Variants in MBNL1 observed in about 807,000 individuals in gnomAD.
The protein encoded by MBNL1 is muscleblind-like protein 1.
In MBNL1, 8 loss-of-function variants were observed where a neutral mutation model predicts 42.2. The observed-to-expected ratio is 0.19, with a 90% CI of 0.11 to 0.34. The LOEUF (loss-of-function observed/expected upper bound fraction) is 0.34. Among genes scored for constraint, MBNL1 ranks in the 10% least tolerant of loss-of-function variants. MBNL1 has a pLI of 1.00. For synonymous variants in MBNL1, 169 were observed against 173.9 expected, an observed-to-expected ratio of 0.97 and a Z score of 0.22; for missense variants, 309 against 495.3, an observed-to-expected ratio of 0.62 and a Z score of 3.57.
chr3:152,458,245 G>T, intron 8 of MBNL1: 1 of 1,529,582 alleles, frequency 6.5e-7, no homozygotes. Context: ...ATTTGCCAAT[G>T]CTGTAAAATT....
Position 152,336,216 on chromosome 3 carries a change from C to T in MBNL1, c.174+35849C>T, listed in dbSNP as rs145118762. Among the ~76,000 whole-genome samples, 764 of 137,872 alleles carry T rather than the reference C, an allele frequency of 5.5e-3. 4 individuals carry two copies. The highest frequency in any genetic ancestry group is 0.011 in the Admixed American group (146 of 13,798). 90.4% of individuals were successfully genotyped at this position (137,872 alleles called of 152,430 possible). On this transcript the variant is annotated intron_variant, in intron 2 of 9. Transcript: ENST00000324210. ...TCATAAGTGAATAAACCTACAATTTCTGATTGACAATGTTTATTTACTTCT... is the reference window on the plus strand; with the variant it reads ...TCATAAGTGAATAAACCTACAATTTTTGATTGACAATGTTTATTTACTTCT...
intron 8 of MBNL1, chr3:152,457,577 G>A (rs1736266974): frequency 1.3e-5 from 2 of 152,664 alleles, no homozygotes; most frequent in African/African-American, 4.8e-5. Flanking sequence ...ACATTTCTTG[G>A]CAAAGAATCA....
At chr3:152,379,337 A>C in intron 2 of MBNL1, among the ~76,000 whole-genome samples, 1 of 152,226 alleles carries the variant, frequency 6.6e-6, no homozygotes, top group Non-Finnish European at 1.5e-5. Context: ...TTTGGTGATT[A>C]CAGCATTTTC....
chr3:152,306,262 C>T (rs1442420843), intron 2 of MBNL1, among the ~76,000 whole-genome samples: 1 of 152,214 alleles, frequency 6.6e-6, no homozygotes, highest in Non-Finnish European at 1.5e-5. Context: ...GACACCTCCC[C>T]TACCCTCCCC....
At position 152,408,257 on chromosome 3, in the gene MBNL1, A is replaced by G. The variant is rs188832218; in HGVS notation, c.175-6684A>G. On this transcript the variant is annotated intron_variant, in intron 2 of 9. Transcript: ENST00000324210. The stretch of plus-strand genomic sequence containing the variant: ...CTTATTAACAGGATATATACTATGT[A>G]TATTTACTCTGTGGTATAGTATACT... Among the ~76,000 whole-genome samples the G allele has an allele frequency of 1.9e-3, 283 of 152,312 alleles. 2 individuals carry two copies. The highest frequency in any genetic ancestry group is 6.1e-3 in the African/African-American group (252 of 41,562).
intron 2 of MBNL1, among the ~76,000 whole-genome samples, chr3:152,323,382 T>A (rs535944211): frequency 1.3e-5 from 2 of 152,220 alleles, no homozygotes; most frequent in East Asian, 3.9e-4. Flanking sequence ...TATGAATAAT[T>A]TGAACTCCCT....
chr3:152,342,594 C>T (rs893739748), intron 2 of MBNL1, among the ~76,000 whole-genome samples: 4 of 112,312 alleles, frequency 3.6e-5, no homozygotes, highest in Non-Finnish European at 5.5e-5. Flanking sequence ...ACACTTTCCA[C>T]AAACAACAGG....
At chr3:152,275,181 A>C (rs554995355) in intron 1 of MBNL1, among the ~76,000 whole-genome samples, 1 of 152,172 alleles carries the variant, frequency 6.6e-6, no homozygotes, top group South Asian at 2.1e-4. Context: ...GAAAGAAAGC[A>C]GGAGGGTGGT....
chr3:152,293,205 G>A (rs2056946701), intron 1 of MBNL1, among the ~76,000 whole-genome samples: 1 of 152,152 alleles, frequency 6.6e-6, no homozygotes, highest in African/African-American at 2.4e-5. Flanking sequence ...ATTGCCATGG[G>A]TACTGCTGGT....
At chr3:152,298,104 C>T (rs977966631) in intron 1 of MBNL1, among the ~76,000 whole-genome samples, 53 of 151,968 alleles carry the variant, frequency 3.5e-4, no homozygotes, top group African/African-American at 1.2e-3. Flanking sequence ...TTTTAATGTA[C>T]GTATGTATTT....
rs1355232442 is a variant in MBNL1, at chr3:152,463,478, T to G, written c.*1112T>G. 1.3e-5 allele frequency: 2 copies of G among 152,490 alleles called. No homozygotes were observed. The highest frequency in any genetic ancestry group is 1.3e-4 in the Admixed American group (2 of 15,270). The allele number at this position is 152,490 out of a possible 1,614,324, so 9.4% of individuals were successfully genotyped here. ...GTTTCACGTTTGCTTAAATGCTTCA[T>G]CACAGTCACATTCAAAATAGTGACT... On this transcript the variant is annotated 3_prime_UTR_variant, in exon 10 of 10. Coordinates refer to ENST00000324210, the MANE Select transcript of MBNL1 (RefSeq NM_021038.5).
intron 2 of MBNL1, among the ~76,000 whole-genome samples, chr3:152,258,791 A>G (rs990742873): frequency 2.6e-5 from 4 of 152,226 alleles, no homozygotes; most frequent in East Asian, 1.9e-4. Flanking sequence ...GTTATGCCAC[A>G]TATCGTCTAA....
At chr3:152,308,071 A>G (rs2064196050) in intron 2 of MBNL1, among the ~76,000 whole-genome samples, 1 of 152,204 alleles carries the variant, frequency 6.6e-6, no homozygotes. Flanking sequence ...CCATATTCAA[A>G]AGGTTTAATT....
chr3:152,337,371 G>A (rs2090989517), intron 2 of MBNL1, among the ~76,000 whole-genome samples: 1 of 152,166 alleles, frequency 6.6e-6, no homozygotes, highest in Non-Finnish European at 1.5e-5. Context: ...TGTAATGCCA[G>A]TACTTTGAGA....
At chr3:152,320,157 TC>T (rs2075540123) in intron 2 of MBNL1, among the ~76,000 whole-genome samples, 1 of 152,192 alleles carries the variant, frequency 6.6e-6, no homozygotes, top group South Asian at 2.1e-4. Flanking sequence ...CGATGTTTCT[TC>T]CAGACTATGA....
intron 1 of MBNL1, among the ~76,000 whole-genome samples, chr3:152,286,348 A>G (rs1036252552): frequency 1.4e-5 from 2 of 142,816 alleles, no homozygotes; most frequent in African/African-American, 5.1e-5. Flanking sequence ...TATTTATAAT[A>G]TAAATATTTA....
intron 1 of MBNL1, among the ~76,000 whole-genome samples, chr3:152,284,330 ATAATTTT>A (rs1173316557): frequency 6.6e-6 from 1 of 152,134 alleles, no homozygotes; most frequent in Non-Finnish European, 1.5e-5. Context: ...AACCAAGATT[ATAATTTT>A]TTTTAATTGT....
chr3:152,462,442 G>A lies in MBNL1; in HGVS notation c.*76G>A, dbSNP rs1190578681. ...GTTAGAGTAAAGGACGAGGTCATTAGCCATATTGTATATATCGTCAAGCAA... is the reference window on the plus strand; with the variant it reads ...GTTAGAGTAAAGGACGAGGTCATTAACCATATTGTATATATCGTCAAGCAA... On this transcript the variant is annotated 3_prime_UTR_variant, in exon 10 of 10. Transcript: ENST00000324210. The A allele has an allele frequency of 6.6e-6, 1 of 152,124 alleles. No individual in the cohort carries two copies. The highest frequency in any genetic ancestry group is 1.5e-5 in the Non-Finnish European group (1 of 68,006). 9.4% of individuals were successfully genotyped at this position (152,124 alleles called of 1,614,324 possible). A position where few individuals can be genotyped will look rare whatever the true frequency, so the allele number is the denominator to read the frequency against.
chr3:152,344,101 T>C (rs1269501722), intron 2 of MBNL1, among the ~76,000 whole-genome samples: 1 of 152,154 alleles, frequency 6.6e-6, no homozygotes, highest in Non-Finnish European at 1.5e-5. Flanking sequence ...GAGGTTTGTT[T>C]TTTAACTATA....
Sources: gnomAD v4.1 joint callset for allele counts (sites outside exome capture counted in the v4.1 genomes callset) on GRCh38, gnomAD v4.1.1 for gene constraint, MANE v1.5 for transcripts, NCBI Gene and HGNC (gene_info 2026-07-23, HGNC 2026-07-21) for gene names.